Variants in TGFBR1 observed in about 807,000 individuals in gnomAD.
The protein encoded by TGFBR1 is transforming growth factor beta receptor 1.
Under a neutral mutation model 55.1 loss-of-function variants are expected in TGFBR1, and 20 were observed. That is an observed-to-expected ratio of 0.36 (90% confidence interval 0.26 to 0.53). TGFBR1 has a LOEUF of 0.53. TGFBR1 is among the 20% of genes least tolerant of loss of function. The pLI is 0.91. For missense variants in TGFBR1, 385 were observed against 617.6 expected (o/e 0.62, Z 3.99); for synonymous variants, 220 against 214.8 (o/e 1.02, Z -0.21).
intron 4 of TGFBR1, among the ~76,000 whole-genome samples, chr9:99,138,305 T>C (rs942860854): frequency 9.9e-5 from 15 of 152,236 alleles, no homozygotes; most frequent in Non-Finnish European, 1.9e-4. Flanking sequence ...AATCTCTTAA[T>C]GTTTTATAAA....
At chr9:99,106,217 T>C (rs558892827) in intron 1 of TGFBR1, among the ~76,000 whole-genome samples, 2 of 152,338 alleles carry the variant, frequency 1.3e-5, no homozygotes, top group South Asian at 2.1e-4. Flanking sequence ...GATTCAGACA[T>C]CTGTATAGCT....
intron 1 of TGFBR1, among the ~76,000 whole-genome samples, chr9:99,105,968 GAGA>G (rs1826402304): frequency 6.6e-6 from 1 of 152,252 alleles, no homozygotes; most frequent in South Asian, 2.1e-4. Context: ...GGCTTTGTGT[GAGA>G]AGAAGGAAGC....
In TGFBR1 at chr9:99,147,725, A is replaced by G. The variant is rs745499424; in HGVS notation, c.1327A>G (p.Lys443Glu). ...PSDPSVEEMR[K>E]VVCEQKLRPN... ...TGACCCATCAGTTGAAGAAATGAGA[A>G]AAGTTGTTTGTGAACAGAAGTTAAG... is the stretch of plus-strand genomic sequence containing the variant. Residue 443 changes from lysine to glutamate, a missense_variant, in exon 8 of 9, where the codon AAA (lysine) becomes GAA (glutamate). Physicochemically the swap from Lys to Glu is moderately conservative, Grantham distance 56. Coordinates refer to ENST00000374994, the MANE Select transcript of TGFBR1 (RefSeq NM_004612.4). The G allele has an allele frequency of 6.2e-7, 1 of 1,613,892 alleles. No homozygotes were observed. The highest frequency in any genetic ancestry group is 1.7e-5 in the Admixed American group (1 of 60,004).
chr9:99,142,469 A>G (rs1588590146), intron 4 of TGFBR1, 67 bp from the exon 5 acceptor site: 1 of 1,570,630 alleles, frequency 6.4e-7, no homozygotes, highest in Non-Finnish European at 8.8e-7. Flanking sequence ...GTAAAAAGTA[A>G]TAACCATTGA....
chr9:99,139,053 C>T (rs1827530218), intron 4 of TGFBR1, among the ~76,000 whole-genome samples: 1 of 152,136 alleles, frequency 6.6e-6, no homozygotes, highest in South Asian at 2.1e-4. Context: ...ACCTCACCCT[C>T]CCAAAGTGCT....
intron 1 of TGFBR1, among the ~76,000 whole-genome samples, chr9:99,116,940 T>C (rs1826762206): frequency 6.6e-6 from 1 of 152,216 alleles, no homozygotes; most frequent in South Asian, 2.1e-4. Context: ...ATTAAAAATA[T>C]TATAAAAATG....
At chr9:99,109,514 C>T (rs753570257) in intron 1 of TGFBR1, among the ~76,000 whole-genome samples, 1 of 152,198 alleles carries the variant, frequency 6.6e-6, no homozygotes, top group Non-Finnish European at 1.5e-5. Context: ...TGAGCAGTTA[C>T]AGGGACTCAA....
At chr9:99,108,171 A>T (rs556330858) in intron 1 of TGFBR1, among the ~76,000 whole-genome samples, 1 of 152,324 alleles carries the variant, frequency 6.6e-6, no homozygotes, top group African/African-American at 2.4e-5. Flanking sequence ...AGTCCAGTTT[A>T]TGCAATATTA....
At chr9:99,128,357 C>T (rs142933853) in intron 1 of TGFBR1, among the ~76,000 whole-genome samples, 120 of 151,814 alleles carry the variant, frequency 7.9e-4, no homozygotes, top group African/African-American at 2.7e-3. Context: ...AATCTGTTTC[C>T]GTTACTCCAT....
At chr9:99,112,213 C>T (rs970345613) in intron 1 of TGFBR1, among the ~76,000 whole-genome samples, 12 of 152,224 alleles carry the variant, frequency 7.9e-5, no homozygotes, top group East Asian at 3.9e-4. Context: ...GCATTGAGAA[C>T]GGGGTGAAAT....
intron 1 of TGFBR1, among the ~76,000 whole-genome samples, chr9:99,122,485 A>G: frequency 6.6e-6 from 1 of 152,060 alleles, no homozygotes; most frequent in South Asian, 2.1e-4. Context: ...GAAATCCTTT[A>G]TATTGGGACC....
chr9:99,125,209 C>A (rs972940987), intron 1 of TGFBR1, among the ~76,000 whole-genome samples: 1 of 152,144 alleles, frequency 6.6e-6, no homozygotes, highest in Non-Finnish European at 1.5e-5. Flanking sequence ...TTAATGACTT[C>A]AAGGCCTTGT....
intron 3 of TGFBR1, among the ~76,000 whole-genome samples, chr9:99,137,011 G>A (rs1021242256): frequency 1.3e-5 from 2 of 152,164 alleles, no homozygotes; most frequent in African/African-American, 2.4e-5. Flanking sequence ...CCACTTAAAT[G>A]TTGCAGGTAA....
intron 1 of TGFBR1, among the ~76,000 whole-genome samples, chr9:99,109,002 G>T (rs1230422921): frequency 6.6e-6 from 1 of 152,170 alleles, no homozygotes; most frequent in Non-Finnish European, 1.5e-5. Context: ...CAGGAACTTT[G>T]ATTTTCTGAT....
chr9:99,132,391 TG>T, intron 2 of TGFBR1, 117 bp from the exon 3 acceptor site: 1 of 1,529,184 alleles, frequency 6.5e-7, no homozygotes, highest in Non-Finnish European at 8.8e-7. Context: ...TGAGGCTCTT[TG>T]GCTAAGTGGT....
intron 5 of TGFBR1, among the ~76,000 whole-genome samples, 168 bp downstream of exon 5, chr9:99,142,871 C>G (rs1827664868): frequency 6.6e-6 from 1 of 152,098 alleles, no homozygotes; most frequent in African/African-American, 2.4e-5. Flanking sequence ...CCAGCCTGGG[C>G]AACATGACAA....
chr9:99,144,583 T>G (rs756404324), intron 5 of TGFBR1, 149 bp from the exon 6 acceptor site: 23 of 792,538 alleles, frequency 2.9e-5, no homozygotes, highest in Non-Finnish European at 4.8e-5. Context: ...GTGATTCACT[T>G]GAGTTTAATA....
Position 99,108,699 on chromosome 9 carries a change from A to G in TGFBR1, c.97+3397A>G, listed in dbSNP as rs139567763. Among the ~76,000 whole-genome samples, 23 of 152,284 alleles carry G rather than the reference A, an allele frequency of 1.5e-4. No homozygotes were observed. In the East Asian group the frequency reaches 4.4e-3, roughly 29 times the overall value. On this transcript the variant is annotated intron_variant, in intron 1 of 8. Coordinates refer to ENST00000374994, the MANE Select transcript of TGFBR1 (RefSeq NM_004612.4). ...CTCCAAGGGAGGAAACAAGGCTTTT[A>G]CTGACTGACTGGCAAGTTACTCTTC...
Position 99,149,888 on chromosome 9 carries a change from T to C in TGFBR1, c.*583T>C. 1 of 207,950 alleles carries C rather than the reference T, an allele frequency of 4.8e-6. No individual in the cohort carries two copies. Among genetic ancestry groups the C allele is most frequent in the Admixed American group, 5.8e-5 (1 of 17,360 alleles). 12.9% of individuals were successfully genotyped at this position (207,950 alleles called of 1,614,324 possible). A position where few individuals can be genotyped will look rare whatever the true frequency, so the allele number is the denominator to read the frequency against. ...CATGCAATTGTATTTTGTATACTAT[T>C]ATTGTTCTTTCACTTATTCAGAACA... On this transcript the variant is annotated 3_prime_UTR_variant, in exon 9 of 9. Coordinates refer to ENST00000374994, the MANE Select transcript of TGFBR1 (RefSeq NM_004612.4).
Sources: gnomAD v4.1 joint callset for allele counts (sites outside exome capture counted in the v4.1 genomes callset) on GRCh38, gnomAD v4.1.1 for gene constraint, MANE v1.5 for transcripts, NCBI Gene and HGNC (gene_info 2026-07-23, HGNC 2026-07-21) for gene names.